Variants in HELZ observed in about 807,000 individuals in gnomAD.
The protein encoded by HELZ is helicase with zinc finger, also known as ATP-dependent RNA helicase with zinc finger domain.
A neutral mutation model predicts 218.2 loss-of-function variants in HELZ; 23 were observed. The ratio of observed to expected loss-of-function variants is 0.11; its 90% CI spans 0.08 to 0.15. HELZ has a LOEUF of 0.15. Among genes scored for constraint, HELZ ranks in the 10% least tolerant of loss-of-function variants. The pLI, the probability that HELZ is intolerant of heterozygous loss-of-function variation, is 1.00. For missense variants in HELZ, 1,813 were observed against 2,353.7 expected (o/e 0.77, Z 4.75); for synonymous variants, 814 against 829.4 (o/e 0.98, Z 0.32).
rs1442443211 is a variant in HELZ, at chr17:67,150,013, A to C, written c.2357-28T>G. 3.0e-6 allele frequency: 4 copies of C among 1,313,716 alleles called. No homozygotes were observed. In the African/African-American group the frequency reaches 4.4e-5, roughly 14 times the overall value. The allele number at this position is 1,313,716 out of a possible 1,614,324, so 81.4% of individuals were successfully genotyped here. On this transcript the variant is annotated intron_variant, in intron 18 of 32. Transcript: ENST00000358691. ...AGAAAATGCAGCATAAACACAGGAT[A>C]GCACGCTAGAGCAGCAACAAAGGCA...
At chr17:67,203,146 A>T (rs1246199224) in intron 6 of HELZ, among the ~76,000 whole-genome samples, 173 bp downstream of exon 6, 1 of 152,150 alleles carries the variant, frequency 6.6e-6, no homozygotes, top group Non-Finnish European at 1.5e-5. Flanking sequence ...ACAAAAAAAG[A>T]AAAGAAAGAA....
chr17:67,177,409 C>G (rs1185281332), intron 13 of HELZ, among the ~76,000 whole-genome samples: 1 of 152,008 alleles, frequency 6.6e-6, no homozygotes, highest in Non-Finnish European at 1.5e-5. Context: ...AATGATTTAT[C>G]AACCTTAATA....
At chr17:67,235,232 C>T (rs574329871) in intron 3 of HELZ, among the ~76,000 whole-genome samples, 8 of 152,026 alleles carry the variant, frequency 5.3e-5, no homozygotes, top group East Asian at 1.9e-4. Flanking sequence ...GAAGGCCGGG[C>T]GCGGTGGCTC....
intron 27 of HELZ, among the ~76,000 whole-genome samples, chr17:67,118,317 C>G (rs1287673467): frequency 6.6e-6 from 1 of 152,032 alleles, no homozygotes; most frequent in Non-Finnish European, 1.5e-5. Context: ...AAAACTAAAA[C>G]AAAATAACAA....
chr17:67,122,997 C>G lies in HELZ; in HGVS notation c.3603G>C (p.Gly1201=), dbSNP rs369623629. ...SILYVPAVYG[G]NVVMSVPLPV... The stretch of plus-strand genomic sequence containing the variant: ...GTAAAGGCACCGACATAACTACATT[C>G]CCTCCATAGACAGCAGGTACATAAA... The change falls in exon 26 of 33, where the codon GGG becomes GGC. Residue 1201 remains glycine, a synonymous_variant. Coordinates refer to ENST00000358691, the MANE Select transcript of HELZ (RefSeq NM_014877.4). 2.5e-6 allele frequency: 4 copies of G among 1,612,176 alleles called. No individual in the cohort carries two copies. Among genetic ancestry groups the G allele is most frequent in the Non-Finnish European group, 2.5e-6 (3 of 1,178,530 alleles).
chr17:67,115,270 G>C (rs1291251033), intron 27 of HELZ, among the ~76,000 whole-genome samples: 1 of 151,574 alleles, frequency 6.6e-6, no homozygotes, highest in African/African-American at 2.4e-5. Context: ...GAAACATGAA[G>C]AGAAAAAAGA....
rs147225483 is a variant in HELZ, at chr17:67,187,966, T to C, written c.1162+353A>G. 5.3e-5 allele frequency among the ~76,000 whole-genome samples: 8 copies of C among 152,292 alleles called. No homozygotes were observed. In the East Asian group the frequency reaches 1.5e-3, roughly 29 times the overall value. ...CATGAAAATAAACATTGTAGGTATA[T>C]ACACAATTACCATTAAAATGATATT... On this transcript the variant is annotated intron_variant, in intron 12 of 32. Transcript: ENST00000358691.
At chr17:67,200,938 G>A (rs1462150946) in intron 7 of HELZ, 191 bp downstream of exon 7, 1 of 580,540 alleles carries the variant, frequency 1.7e-6, no homozygotes, top group Admixed American at 2.8e-5. Flanking sequence ...GAGACATGTG[G>A]AGAAGCAGCA....
rs776782368 is a variant in HELZ at position 67,175,910 on chromosome 17, T to C, written c.1430+2749A>G. 3.3e-5 allele frequency among the ~76,000 whole-genome samples: 5 copies of C among 151,842 alleles called. No homozygotes were observed. In the South Asian group the frequency reaches 1.0e-3, roughly 32 times the overall value. On this transcript the variant is annotated intron_variant, in intron 13 of 32. Transcript: ENST00000358691. ...ATATCCCTATTTGAGTCAATAAATA[T>C]GATATAACTTTAAAGATTAAAAAAA... is the stretch of plus-strand genomic sequence containing the variant.
chr17:67,101,945 G>T (rs2036942937), intron 31 of HELZ, among the ~76,000 whole-genome samples: 1 of 152,206 alleles, frequency 6.6e-6, no homozygotes, highest in Non-Finnish European at 1.5e-5. Context: ...CTCAGGAGAA[G>T]ATGGCACTTT....
rs1365831606 is a variant in HELZ, at chr17:67,079,236, T to C, written c.5495-650A>G. Among the ~76,000 whole-genome samples, 3 of 152,246 alleles carry C rather than the reference T, an allele frequency of 2.0e-5. No individual in the cohort carries two copies. In the East Asian group the frequency reaches 5.8e-4, roughly 29 times the overall value. The stretch of plus-strand genomic sequence containing the variant: ...TTTTCTTTTCAATCTTTTAAAACTT[T>C]ATGTAACATTGTACTGGATTATAAA... On this transcript the variant is annotated intron_variant, in intron 32 of 32. Coordinates refer to ENST00000358691, the MANE Select transcript of HELZ (RefSeq NM_014877.4).
intron 3 of HELZ, among the ~76,000 whole-genome samples, chr17:67,232,427 C>T (rs1024145922): frequency 5.9e-5 from 9 of 152,236 alleles, no homozygotes; most frequent in African/African-American, 1.7e-4. Context: ...GTTGGGATTA[C>T]AGGCGTGAGC....
chr17:67,091,089 CACA>C (rs2036561969), intron 31 of HELZ, among the ~76,000 whole-genome samples: 1 of 152,016 alleles, frequency 6.6e-6, no homozygotes, highest in South Asian at 2.1e-4. Flanking sequence ...AGCTGCATTA[CACA>C]AATTAGGACA....
intron 3 of HELZ, chr17:67,224,579 A>G (rs12185266): frequency 0.33 from 150,749 of 456,386 alleles, 29,363 homozygotes; most frequent in East Asian, 0.68. Flanking sequence ...TATTAATAAC[A>G]ATGATCATGT....
intron 23 of HELZ, among the ~76,000 whole-genome samples, chr17:67,131,236 G>C (rs932336566): frequency 6.6e-6 from 1 of 151,984 alleles, no homozygotes; most frequent in African/African-American, 2.4e-5. Context: ...TTCATTTCCA[G>C]CTTTCACAGC....
intron 12 of HELZ, 88 bp from the exon 13 acceptor site, chr17:67,179,014 T>G: frequency 1.2e-6 from 1 of 860,992 alleles, no homozygotes; most frequent in Non-Finnish European, 1.7e-6. Flanking sequence ...ATTACATATT[T>G]TTGTATGAGA....
intron 31 of HELZ, among the ~76,000 whole-genome samples, chr17:67,094,490 G>A (rs937732136): frequency 6.6e-6 from 1 of 152,084 alleles, no homozygotes; most frequent in Non-Finnish European, 1.5e-5. Flanking sequence ...TTGCAGGTTT[G>A]GTTCCAAACT....
chr17:67,121,039 C>T (rs1016666813), intron 26 of HELZ, among the ~76,000 whole-genome samples: 2 of 152,142 alleles, frequency 1.3e-5, no homozygotes, highest in African/African-American at 4.8e-5. Context: ...TAAGGAAGAA[C>T]TTAGCCTAAG....
rs746949239 is a variant in HELZ, at chr17:67,107,467, G to C, written c.4943C>G (p.Ala1648Gly). The C allele has an allele frequency of 1.2e-5, 19 of 1,614,226 alleles. No individual in the cohort carries two copies. The highest frequency in any genetic ancestry group is 1.6e-5 in the Non-Finnish European group (19 of 1,180,042). ...CTGGGGTGGGAGGCGCTGTGGAAAT[G>C]CTGGGTTGCTGGCTACTTCAATGTC... ...SRDIEVASNP[A>G]FPQRLPPQIF... The change falls in exon 31 of 33, where the codon GCA becomes GGA. Residue 1648 changes from alanine (A) to glycine (G), a missense_variant. This residue lies in a region of HELZ where 938 missense variants were observed against 1,027.5 expected (regional missense o/e 0.91). Transcript: ENST00000358691.
Sources: gnomAD v4.1 joint callset for allele counts (sites outside exome capture counted in the v4.1 genomes callset) on GRCh38, gnomAD v4.1.1 for gene constraint, gnomAD v4.1.1 regional missense constraint, MANE v1.5 for transcripts, NCBI Gene and HGNC (gene_info 2026-07-23, HGNC 2026-07-21) for gene names.